Variants in FGF9 observed in about 807,000 individuals in gnomAD.
FGF9 encodes fibroblast growth factor 9.
Under a neutral mutation model 19.9 loss-of-function variants are expected in FGF9, and 3 were observed. The ratio of observed to expected loss-of-function variants is 0.15; its 90% CI spans 0.07 to 0.39. The LOEUF is 0.39. Among genes scored for constraint, FGF9 ranks in the 10% least tolerant of loss-of-function variants. The probability of loss-of-function intolerance (pLI) is 1.00; values close to 1 mark genes in which losing one functional copy is unlikely to be tolerated. For synonymous variants in FGF9, 107 were observed against 106.9 expected (o/e 1.00, Z -0.01); for missense variants, 175 against 256.8 (o/e 0.68, Z 2.18).
intron 2 of FGF9, among the ~76,000 whole-genome samples, chr13:21,696,101 A>T (rs1277916402): frequency 1.3e-5 from 2 of 152,204 alleles, no homozygotes; most frequent in Non-Finnish European, 2.9e-5. Context: ...GCCCATGTGG[A>T]TTACACTTTT....
chr13:21,697,183 G>A (rs1482809122), intron 2 of FGF9, among the ~76,000 whole-genome samples: 3 of 152,064 alleles, frequency 2.0e-5, no homozygotes, highest in African/African-American at 7.2e-5. Context: ...TTAGAGACAG[G>A]GTCTCACTCT....
intron 2 of FGF9, 159 bp downstream of exon 2, chr13:21,681,304 A>G (rs1019857019): frequency 2.9e-5 from 18 of 613,042 alleles, no homozygotes; most frequent in Non-Finnish European, 5.0e-5. Context: ...TTTTATTAAT[A>G]GATAAACAGC....
intron 2 of FGF9, among the ~76,000 whole-genome samples, chr13:21,681,994 CTCTTTCTTTTCTTT>C (rs1308189784): frequency 6.6e-6 from 1 of 151,664 alleles, no homozygotes. Flanking sequence ...GTTTCTTTCT[CTCTTTCTTTTCTTT>C]TCTTTCTTTT....
At position 21,671,732 on chromosome 13, in the gene FGF9, C is replaced by T; in HGVS notation, c.-181C>T. 1 of 682,226 alleles carries T rather than the reference C, an allele frequency of 1.5e-6. No homozygotes were observed. The highest frequency in any genetic ancestry group is 2.5e-6 in the Non-Finnish European group (1 of 398,696). The allele number at this position is 682,226 out of a possible 1,614,324, so 42.3% of individuals were successfully genotyped here. ...TCAGTGGTTTGACCTTGAACCTGTG[C>T]CAGTGAAACAGCAGATTACTTTTAT... On this transcript the variant is annotated 5_prime_UTR_variant, in exon 1 of 3. Transcript: ENST00000382353.
At chr13:21,684,717 G>A (rs1051805503) in intron 2 of FGF9, among the ~76,000 whole-genome samples, 1 of 152,198 alleles carries the variant, frequency 6.6e-6, no homozygotes, top group Non-Finnish European at 1.5e-5. Context: ...TGAAGAGCTC[G>A]AGTTAGACAT....
intron 2 of FGF9, among the ~76,000 whole-genome samples, chr13:21,696,577 T>C (rs963119609): frequency 2.6e-5 from 4 of 152,230 alleles, no homozygotes; most frequent in Admixed American, 6.5e-5. Flanking sequence ...CTGAGTTCTA[T>C]AATTCTAGAG....
At chr13:21,698,121 C>G (rs1872457174) in intron 2 of FGF9, among the ~76,000 whole-genome samples, 1 of 152,150 alleles carries the variant, frequency 6.6e-6, no homozygotes, top group Non-Finnish European at 1.5e-5. Context: ...ACGTAAGACT[C>G]TTTTTACTAT....
intron 1 of FGF9, among the ~76,000 whole-genome samples, chr13:21,673,404 G>C (rs928041458): frequency 8.5e-5 from 13 of 152,122 alleles, no homozygotes; most frequent in Non-Finnish European, 1.6e-4. Flanking sequence ...AGATCCACGA[G>C]GCCCAGGATT....
Position 21,701,928 on chromosome 13 carries a change from T to G in FGF9, c.*493T>G, listed in dbSNP as rs1305662656. On this transcript the variant is annotated 3_prime_UTR_variant, in exon 3 of 3. Transcript: ENST00000382353. The stretch of plus-strand genomic sequence containing the variant: ...GAGGGTGCAGTCTTACTTAAAAGAC[T>G]TTCAGTTAATTCTCACTGGTATCAT... The G allele has an allele frequency of 6.5e-6, 1 of 153,990 alleles. No homozygotes were observed. The highest frequency in any genetic ancestry group is 1.4e-5 in the Non-Finnish European group (1 of 69,024). 9.5% of individuals were successfully genotyped at this position (153,990 alleles called of 1,614,324 possible). A position where few individuals can be genotyped will look rare whatever the true frequency, so the allele number is the denominator to read the frequency against.
Position 21,697,618 on chromosome 13 carries a change from T to C in FGF9, c.382-3572T>C, listed in dbSNP as rs566674795. On this transcript the variant is annotated intron_variant, in intron 2 of 2. Transcript: ENST00000382353. ...TTAAAAGGGGGGTTTTCGTATTCTTTAAAAAAGTATAAAATGAGAATCTTT... is the reference window on the plus strand; with the variant it reads ...TTAAAAGGGGGGTTTTCGTATTCTTCAAAAAAGTATAAAATGAGAATCTTT... 2.6e-5 allele frequency among the ~76,000 whole-genome samples: 4 copies of C among 151,750 alleles called. No homozygotes were observed. The East Asian group carries it at 5.8e-4, about 22-fold the overall frequency.
intron 1 of FGF9, among the ~76,000 whole-genome samples, chr13:21,674,622 G>A (rs1056126225): frequency 1.4e-4 from 22 of 152,028 alleles, no homozygotes; most frequent in Non-Finnish European, 2.8e-4. Flanking sequence ...TTAGAACTCC[G>A]GTGCAGCACG....
chr13:21,683,591 C>A (rs746202762), intron 2 of FGF9, among the ~76,000 whole-genome samples: 12 of 151,944 alleles, frequency 7.9e-5, no homozygotes, highest in Non-Finnish European at 1.5e-4. Context: ...GTCATGGAGT[C>A]CCAGTCAGGC....
chr13:21,696,722 G>A (rs1872418066), intron 2 of FGF9, among the ~76,000 whole-genome samples: 1 of 152,112 alleles, frequency 6.6e-6, no homozygotes. Flanking sequence ...TTAGAGAAAT[G>A]ATTTTGGAGT....
intron 2 of FGF9, among the ~76,000 whole-genome samples, chr13:21,692,121 A>G (rs757290483): frequency 6.6e-6 from 1 of 152,150 alleles, no homozygotes; most frequent in East Asian, 1.9e-4. Context: ...TCCCCATGGT[A>G]CATAGCGTGA....
intron 2 of FGF9, among the ~76,000 whole-genome samples, chr13:21,697,040 G>T (rs963683768): frequency 6.6e-6 from 1 of 152,192 alleles, no homozygotes; most frequent in African/African-American, 2.4e-5. Flanking sequence ...TGTCATGTTT[G>T]CACAATCTCA....
chr13:21,699,857 GTGTTTA>G (rs1872498228), intron 2 of FGF9, among the ~76,000 whole-genome samples: 1 of 152,130 alleles, frequency 6.6e-6, no homozygotes, highest in Non-Finnish European at 1.5e-5. Flanking sequence ...AGTTATTTTC[GTGTTTA>G]CTGTTTTAAA....
chr13:21,695,283 A>G (rs1872382248), intron 2 of FGF9, among the ~76,000 whole-genome samples: 2 of 152,094 alleles, frequency 1.3e-5, no homozygotes, highest in South Asian at 4.1e-4. Context: ...CTTTGATGAG[A>G]CAAAATGAAA....
At chr13:21,699,381 C>T (rs943738836) in intron 2 of FGF9, among the ~76,000 whole-genome samples, 5 of 152,226 alleles carry the variant, frequency 3.3e-5, no homozygotes, top group Admixed American at 2.6e-4. Context: ...TTTCAGCTCA[C>T]TTAGCAAAAC....
intron 1 of FGF9, among the ~76,000 whole-genome samples, chr13:21,680,193 CAA>C (rs1414297596): frequency 6.6e-6 from 1 of 152,100 alleles, no homozygotes; most frequent in African/African-American, 2.4e-5. Flanking sequence ...TACTTTAAAT[CAA>C]GAGCAGTATT....
Sources: allele counts gnomAD v4.1 joint callset (sites outside exome capture counted in the v4.1 genomes callset), GRCh38; gene constraint gnomAD v4.1.1; transcripts MANE v1.5; gene names NCBI Gene and HGNC (gene_info 2026-07-23, HGNC 2026-07-21).